Variants in MYRIP observed in about 807,000 individuals in gnomAD.
MYRIP encodes the protein rab effector MyRIP.
Under a neutral mutation model 98.0 loss-of-function variants are expected in MYRIP, and 49 were observed. That is an observed-to-expected ratio of 0.50 (90% CI 0.40 to 0.63). The LOEUF is 0.63. Ranked by LOEUF, MYRIP falls within the 30% of genes least tolerant of loss-of-function variation. The pLI, the probability that MYRIP is intolerant of heterozygous loss-of-function variation, is 0.00. For missense variants in MYRIP, 1,004 were observed against 1,058.2 expected (o/e 0.95, Z 0.71); for synonymous variants, 404 against 409.5 (o/e 0.99, Z 0.16).
intron 10 of MYRIP, among the ~76,000 whole-genome samples, chr3:40,202,928 T>TA (rs1264426200): frequency 6.6e-6 from 1 of 151,440 alleles, no homozygotes; most frequent in African/African-American, 2.4e-5. Flanking sequence ...TTTATTTATT[T>TA]ATTTATTTAT....
intron 2 of MYRIP, among the ~76,000 whole-genome samples, chr3:39,966,752 G>A (rs895763523): frequency 6.6e-6 from 1 of 152,102 alleles, no homozygotes; most frequent in Non-Finnish European, 1.5e-5. Flanking sequence ...CTCTGGAGAC[G>A]GAACCAAGGG....
intron 3 of MYRIP, among the ~76,000 whole-genome samples, chr3:40,145,807 G>T (rs1949996819): frequency 6.6e-6 from 1 of 152,202 alleles, no homozygotes; most frequent in South Asian, 2.1e-4. Context: ...GTTACATAAA[G>T]CTTGCTGTGT....
intron 11 of MYRIP, among the ~76,000 whole-genome samples, chr3:40,225,538 G>A (rs1200182951): frequency 6.6e-6 from 1 of 152,166 alleles, no homozygotes; most frequent in Non-Finnish European, 1.5e-5. Flanking sequence ...AAGAAGTGCT[G>A]GTGTGACAAG....
Position 40,088,483 on chromosome 3 carries a change from TGGCCCA to T in MYRIP, c.332+44214_332+44219del, listed in dbSNP as rs371255493. On this transcript the variant is annotated intron_variant, in intron 3 of 16. Coordinates refer to ENST00000302541, the MANE Select transcript of MYRIP (RefSeq NM_015460.4). The stretch of plus-strand genomic sequence containing the variant: ...TTTTATTCATTCATCCAGCTGATAT[TGGCCCA>T]GTGCCTGCTCTGTGCCAGGTACCAT... Among the ~76,000 whole-genome samples the T allele has an allele frequency of 2.0e-3, 302 of 152,310 alleles. 3 individuals are homozygous for T. Among genetic ancestry groups the T allele is most frequent in the African/African-American group, 7.0e-3 (290 of 41,562 alleles).
chr3:39,975,492 A>G (rs1425100382), intron 2 of MYRIP, among the ~76,000 whole-genome samples: 1 of 152,010 alleles, frequency 6.6e-6, no homozygotes, highest in East Asian at 1.9e-4. Flanking sequence ...TTACAGATTC[A>G]ATGCCATCCC....
intron 1 of MYRIP, among the ~76,000 whole-genome samples, chr3:39,845,642 T>G (rs1250053143): frequency 1.3e-5 from 2 of 152,114 alleles, no homozygotes; most frequent in East Asian, 3.8e-4. Flanking sequence ...TTTTTAATAG[T>G]CTGCTTTCCA....
intron 3 of MYRIP, among the ~76,000 whole-genome samples, chr3:40,052,312 T>C (rs960048994): frequency 3.9e-5 from 6 of 152,162 alleles, no homozygotes; most frequent in African/African-American, 1.4e-4. Context: ...GCCTGGATTA[T>C]TTCACTTAAT....
At chr3:40,031,431 A>C (rs1426891804) in intron 2 of MYRIP, among the ~76,000 whole-genome samples, 1 of 152,138 alleles carries the variant, frequency 6.6e-6, no homozygotes, top group Non-Finnish European at 1.5e-5. Context: ...ACAGGGCTCT[A>C]GGTTCTGATG....
At chr3:40,234,200 CT>C in intron 12 of MYRIP, 147 bp downstream of exon 12, 1 of 860,790 alleles carries the variant, frequency 1.2e-6, no homozygotes, top group Non-Finnish European at 1.7e-6. Flanking sequence ...CAGGAAGGAC[CT>C]TAGGTTGGAT....
intron 2 of MYRIP, among the ~76,000 whole-genome samples, chr3:40,017,359 T>C (rs1002879610): frequency 6.6e-5 from 10 of 152,142 alleles, no homozygotes; most frequent in Non-Finnish European, 1.0e-4. Context: ...AAACTGGAAC[T>C]CTCCATAACC....
chr3:39,841,369 G>C (rs1469045544), intron 1 of MYRIP, among the ~76,000 whole-genome samples: 1 of 152,012 alleles, frequency 6.6e-6, no homozygotes, highest in Non-Finnish European at 1.5e-5. Context: ...ATCAATCAAG[G>C]TTCTTAGCTT....
At chr3:40,060,679 C>T (rs1947994177) in intron 3 of MYRIP, among the ~76,000 whole-genome samples, 2 of 150,064 alleles carry the variant, frequency 1.3e-5, no homozygotes, top group South Asian at 4.3e-4. Context: ...GCAACCTCCA[C>T]CTCCTGGGTT....
intron 7 of MYRIP, among the ~76,000 whole-genome samples, chr3:40,169,688 G>A (rs1309042020): frequency 6.6e-6 from 1 of 152,144 alleles, no homozygotes; most frequent in Non-Finnish European, 1.5e-5. Context: ...CCTAACATGA[G>A]GTCTGACACA....
chr3:39,883,047 T>C (rs1174402913), intron 1 of MYRIP, among the ~76,000 whole-genome samples: 1 of 152,172 alleles, frequency 6.6e-6, no homozygotes, highest in Admixed American at 6.6e-5. Flanking sequence ...GAGCCCATTA[T>C]GGGGCACAAT....
intron 3 of MYRIP, among the ~76,000 whole-genome samples, chr3:40,132,298 C>T (rs561615087): frequency 3.3e-5 from 5 of 152,304 alleles, no homozygotes; most frequent in Non-Finnish European, 7.3e-5. Flanking sequence ...TACTCTGAAG[C>T]ATGTCACCCA....
chr3:39,843,448 C>CA (rs1481090783), intron 1 of MYRIP, among the ~76,000 whole-genome samples: 1 of 151,984 alleles, frequency 6.6e-6, no homozygotes, highest in Non-Finnish European at 1.5e-5. Flanking sequence ...AACCACAGCA[C>CA]AAAAAAGGAT....
At chr3:40,110,832 T>C (rs1393069654) in intron 3 of MYRIP, among the ~76,000 whole-genome samples, 1 of 152,120 alleles carries the variant, frequency 6.6e-6, no homozygotes, top group Non-Finnish European at 1.5e-5. Flanking sequence ...TCTGTAATTA[T>C]TCTCAAATAA....
chr3:40,108,174 TGAGAGAGAGAGAGAGAGAGAGAGAGAGA>T, intron 3 of MYRIP, among the ~76,000 whole-genome samples: 1 of 138,308 alleles, frequency 7.2e-6, no homozygotes, highest in South Asian at 2.3e-4. Flanking sequence ...GCAGTGTTTG[TGAGAGAGAGAGAGAGAGAGAGAGAGAGA>T]GAGAGAGAGA....
At chr3:39,960,097 G>A (rs1945284926) in intron 2 of MYRIP, among the ~76,000 whole-genome samples, 1 of 152,124 alleles carries the variant, frequency 6.6e-6, no homozygotes, top group Admixed American at 6.6e-5. Flanking sequence ...CTGGGAATGA[G>A]TGGGATCAGC....
Sources: allele counts gnomAD v4.1 joint callset (sites outside exome capture counted in the v4.1 genomes callset), GRCh38; gene constraint gnomAD v4.1.1; transcripts MANE v1.5; gene names NCBI Gene and HGNC (gene_info 2026-07-23, HGNC 2026-07-21).